The following COQ8A variants were observed in gnomAD, a reference collection of about 807,000 sequenced individuals.
The protein encoded by COQ8A is atypical kinase COQ8A, mitochondrial.
COQ8A carries 51 observed loss-of-function variants against 65.0 expected under a neutral mutation model. The observed-to-expected ratio is 0.78, with a 90% CI of 0.63 to 0.99. The LOEUF is 0.99. Among genes scored for constraint, COQ8A ranks in the 50% least tolerant of loss-of-function variants. COQ8A has a pLI of 0.00. For synonymous variants in COQ8A, 371 were observed against 353.2 expected (o/e 1.05, Z -0.57); for missense variants, 940 against 875.0 (o/e 1.07, Z -0.94).
intron 2 of COQ8A, among the ~76,000 whole-genome samples, chr1:226,963,440 C>A (rs1472781044): frequency 1.3e-5 from 2 of 152,138 alleles, no homozygotes; most frequent in Non-Finnish European, 2.9e-5. Flanking sequence ...CTGGGGACCC[C>A]CCCACTGGCC....
At chr1:226,947,840 T>G (rs1489810294) in intron 1 of COQ8A, among the ~76,000 whole-genome samples, 1 of 151,962 alleles carries the variant, frequency 6.6e-6, no homozygotes, top group Non-Finnish European at 1.5e-5. Flanking sequence ...GCATGTAGTA[T>G]GGGCCCAATA....
chr1:226,981,152 A>T (rs1033864572), intron 5 of COQ8A, among the ~76,000 whole-genome samples: 9 of 152,366 alleles, frequency 5.9e-5, no homozygotes, highest in Non-Finnish European at 1.2e-4. Flanking sequence ...TGAGGAACTC[A>T]GGGAAGGTGG....
At chr1:226,984,368 A>T in intron 11 of COQ8A, 133 bp downstream of exon 11, 2 of 1,410,518 alleles carry the variant, frequency 1.4e-6, no homozygotes, top group Non-Finnish European at 2.0e-6. Flanking sequence ...AAGTAGCACC[A>T]GTGGGACTTA....
chr1:226,950,713 A>G (rs1657322594), intron 1 of COQ8A, among the ~76,000 whole-genome samples: 1 of 151,742 alleles, frequency 6.6e-6, no homozygotes, highest in South Asian at 2.1e-4. Context: ...ACATCTGTGA[A>G]ACTGGTTTCA....
intron 1 of COQ8A, among the ~76,000 whole-genome samples, chr1:226,961,079 T>G (rs1185340687): frequency 3.9e-5 from 6 of 152,188 alleles, no homozygotes; most frequent in Non-Finnish European, 7.4e-5. Flanking sequence ...CACCTGTCTG[T>G]GCCTCAGGTT....
At chr1:226,967,112 A>AC (rs1658617513) in intron 4 of COQ8A, among the ~76,000 whole-genome samples, 2 of 151,970 alleles carry the variant, frequency 1.3e-5, no homozygotes, top group Admixed American at 1.3e-4. Flanking sequence ...AGAATATCAC[A>AC]CCTCCCTGAG....
At chr1:226,958,655 C>A (rs1273513429) in intron 1 of COQ8A, among the ~76,000 whole-genome samples, 1 of 152,184 alleles carries the variant, frequency 6.6e-6, no homozygotes, top group Non-Finnish European at 1.5e-5. Context: ...TGGTTTCATG[C>A]CTGGCTAGTG....
chr1:226,957,775 T>G (rs1657898855), intron 1 of COQ8A, among the ~76,000 whole-genome samples: 1 of 152,172 alleles, frequency 6.6e-6, no homozygotes, highest in Non-Finnish European at 1.5e-5. Flanking sequence ...AGACAGCCCG[T>G]GGGGGTGTCT....
chr1:226,942,315 G>A (rs1336779436), intron 1 of COQ8A, among the ~76,000 whole-genome samples: 1 of 151,950 alleles, frequency 6.6e-6, no homozygotes, highest in African/African-American at 2.4e-5. Context: ...GGCTACCTGT[G>A]CACCTAGGAG....
At chr1:226,942,560 A>G (rs1205214551) in intron 1 of COQ8A, among the ~76,000 whole-genome samples, 1 of 152,232 alleles carries the variant, frequency 6.6e-6, no homozygotes, top group Non-Finnish European at 1.5e-5. Flanking sequence ...TAACTCAGCT[A>G]TCCACAAGTG....
chr1:226,961,623 G>T, intron 2 of COQ8A, 61 bp downstream of exon 2: 1 of 1,546,002 alleles, frequency 6.5e-7, no homozygotes, highest in Non-Finnish European at 8.7e-7. Context: ...TGGAGCTCTG[G>T]GGGAGACCAA....
At chr1:226,940,784 G>A (rs1490500230) in intron 1 of COQ8A, among the ~76,000 whole-genome samples, 1 of 152,174 alleles carries the variant, frequency 6.6e-6, no homozygotes, top group African/African-American at 2.4e-5. Flanking sequence ...TTCTAATAAT[G>A]TTGTTCTTCA....
chr1:226,954,825 C>G (rs1313446860), intron 1 of COQ8A, among the ~76,000 whole-genome samples: 1 of 152,190 alleles, frequency 6.6e-6, no homozygotes, highest in African/African-American at 2.4e-5. Flanking sequence ...AGTCCTTGTC[C>G]TGTGGCTGAT....
At position 226,983,603 on chromosome 1, in the gene COQ8A, G is replaced by T. The variant is rs375821684; in HGVS notation, c.1132G>T (p.Val378Leu). ...INSDVNNLMA[V>L]LNMSNMLPEG... ...CAGTGATGTCAACAACCTCATGGCCGTGTTGAACATGAGCAACATGCTTCC... is the reference window on the plus strand; with the variant it reads ...CAGTGATGTCAACAACCTCATGGCCTTGTTGAACATGAGCAACATGCTTCC... Residue 378 changes from valine to leucine, a missense_variant, in exon 9 of 15, where the codon GTG (valine) becomes TTG (leucine). Coordinates refer to ENST00000366777, the MANE Select transcript of COQ8A (RefSeq NM_020247.5). 6.2e-7 allele frequency: 1 copy of T among 1,614,004 alleles called. No individual in the cohort carries two copies.
At chr1:226,954,797 A>G (rs556216500) in intron 1 of COQ8A, among the ~76,000 whole-genome samples, 3 of 152,258 alleles carry the variant, frequency 2.0e-5, no homozygotes, top group Admixed American at 6.5e-5. Context: ...TCCTTGTCCT[A>G]TGGCTGATGG....
chr1:226,984,878 G>T lies in COQ8A; in HGVS notation c.1509G>T (p.Val503=). Residue 503 remains valine, a splice_region_variant and synonymous_variant, in exon 13 of 15, where the codon GTG becomes GTT. Transcript: ENST00000366777. ...NFFYDPQQHK[V]ALLDFGATRE... ...TCTCCTGGTGTCTCTGTCCCCAGGTGGCTCTTTTGGATTTTGGGGCAACGC... is the reference window on the plus strand; with the variant it reads ...TCTCCTGGTGTCTCTGTCCCCAGGTTGCTCTTTTGGATTTTGGGGCAACGC... 1 of 1,614,188 alleles carries T rather than the reference G, an allele frequency of 6.2e-7. No individual in the cohort carries two copies. The highest frequency in any genetic ancestry group is 8.5e-7 in the Non-Finnish European group (1 of 1,180,036).
At chr1:226,942,906 T>A (rs955282908) in intron 1 of COQ8A, among the ~76,000 whole-genome samples, 1 of 152,214 alleles carries the variant, frequency 6.6e-6, no homozygotes, top group Non-Finnish European at 1.5e-5. Flanking sequence ...ATCCAGAATT[T>A]ATGCCCCAAA....
intron 4 of COQ8A, among the ~76,000 whole-genome samples, chr1:226,971,538 C>T (rs1190079722): frequency 6.7e-6 from 1 of 150,098 alleles, no homozygotes; most frequent in Non-Finnish European, 1.5e-5. Flanking sequence ...GATGACAGCT[C>T]CATCTCAAAA....
At chr1:226,962,197 T>C (rs781563691) in intron 2 of COQ8A, among the ~76,000 whole-genome samples, 1 of 152,154 alleles carries the variant, frequency 6.6e-6, no homozygotes, top group Non-Finnish European at 1.5e-5. Context: ...TTGCTGAGGG[T>C]CTCTGCACTC....
Sources: allele counts gnomAD v4.1 joint callset (sites outside exome capture counted in the v4.1 genomes callset), GRCh38; gene constraint gnomAD v4.1.1; transcripts MANE v1.5; gene names NCBI Gene and HGNC (gene_info 2026-07-23, HGNC 2026-07-21).